Variants in KIAA0319 observed in about 807,000 individuals in gnomAD.
KIAA0319 encodes the protein dyslexia-associated protein KIAA0319.
A neutral mutation model predicts 108.4 loss-of-function variants in KIAA0319; 83 were observed. That is an observed-to-expected ratio of 0.77 (90% CI 0.64 to 0.92). The LOEUF is 0.92. Among genes scored for constraint, KIAA0319 ranks in the 40% least tolerant of loss-of-function variants. KIAA0319 has a pLI of 0.00. For synonymous variants in KIAA0319, 484 were observed against 510.4 expected (o/e 0.95, Z 0.70); for missense variants, 1,195 against 1,322.4 (o/e 0.90, Z 1.49).
intron 20 of KIAA0319, among the ~76,000 whole-genome samples, chr6:24,547,733 C>T (rs1347788206): frequency 1.3e-5 from 2 of 152,188 alleles, no homozygotes; most frequent in African/African-American, 2.4e-5. Context: ...ATCCAACAAA[C>T]GAAAGCTTCT....
At position 24,594,443 on chromosome 6, in the gene KIAA0319, T is replaced by C. The variant is rs958676922; in HGVS notation, c.801+1430A>G. On this transcript the variant is annotated intron_variant, in intron 3 of 20. Coordinates refer to ENST00000378214, the MANE Select transcript of KIAA0319 (RefSeq NM_014809.4). The stretch of plus-strand genomic sequence containing the variant: ...GAGTTCGAAGCCAGCCTGGCCAACA[T>C]AGTGAAAACCCATCTCTACTAAAAA... 5.3e-5 allele frequency among the ~76,000 whole-genome samples: 8 copies of C among 151,506 alleles called. No individual in the cohort carries two copies. In the South Asian group the frequency reaches 1.5e-3, roughly 28 times the overall value.
intron 1 of KIAA0319, among the ~76,000 whole-genome samples, chr6:24,611,316 G>C (rs1349673048): frequency 1.3e-5 from 2 of 151,726 alleles, no homozygotes; most frequent in East Asian, 3.9e-4. Context: ...CTGGCCAACA[G>C]GCTGAAACCC....
At chr6:24,615,191 T>C (rs1772981085) in intron 1 of KIAA0319, among the ~76,000 whole-genome samples, 1 of 152,184 alleles carries the variant, frequency 6.6e-6, no homozygotes, top group Non-Finnish European at 1.5e-5. Context: ...CAAATGTACA[T>C]TATAGCATTA....
At chr6:24,613,662 A>C (rs1205276251) in intron 1 of KIAA0319, among the ~76,000 whole-genome samples, 1 of 150,020 alleles carries the variant, frequency 6.7e-6, no homozygotes, top group African/African-American at 2.5e-5. Context: ...AAGGAGGAAC[A>C]GGCAGATCAT....
chr6:24,601,888 T>A (rs577890891), intron 1 of KIAA0319, among the ~76,000 whole-genome samples: 5 of 152,344 alleles, frequency 3.3e-5, no homozygotes, highest in African/African-American at 1.2e-4. Flanking sequence ...GACAAGGGAC[T>A]GGTTTCCCGG....
At chr6:24,618,289 G>T (rs568981375) in intron 1 of KIAA0319, among the ~76,000 whole-genome samples, 36 of 152,184 alleles carry the variant, frequency 2.4e-4, no homozygotes, top group Non-Finnish European at 4.1e-4. Flanking sequence ...ACCCCAGAGA[G>T]AACCTAGACA....
chr6:24,645,294 T>G (rs1562134007), intron 1 of KIAA0319, among the ~76,000 whole-genome samples: 1 of 152,218 alleles, frequency 6.6e-6, no homozygotes, highest in African/African-American at 2.4e-5. Context: ...CAAATGACCT[T>G]AAGATGATAA....
At position 24,576,874 on chromosome 6, in the gene KIAA0319, G is replaced by A. The variant is rs146532690; in HGVS notation, c.1506-278C>T. On this transcript the variant is annotated intron_variant, in intron 9 of 20. Coordinates refer to ENST00000378214, the MANE Select transcript of KIAA0319 (RefSeq NM_014809.4). ...CGGGAGGTCAAGGCTGCAGTGAGCC[G>A]ATATTGCTCCACTGCGCTGCAGCTC... is the stretch of plus-strand genomic sequence containing the variant. Among the ~76,000 whole-genome samples the A allele has an allele frequency of 1.3e-3, 198 of 151,874 alleles. 2 individuals are homozygous for A. In the East Asian group the frequency reaches 0.031, roughly 24 times the overall value.
chr6:24,594,390 C>A (rs1769087771), intron 3 of KIAA0319, among the ~76,000 whole-genome samples: 1 of 151,738 alleles, frequency 6.6e-6, no homozygotes, highest in Non-Finnish European at 1.5e-5. Flanking sequence ...CTTTGGGAGG[C>A]CGAGGTGGGG....
chr6:24,613,416 CTAACTA>C (rs1297584260), intron 1 of KIAA0319, among the ~76,000 whole-genome samples: 2 of 151,976 alleles, frequency 1.3e-5, no homozygotes, highest in Admixed American at 6.6e-5. Context: ...TCTGGCAACT[CTAACTA>C]TGAGAAAATG....
chr6:24,612,900 GCCATTCTCCTGCCTCAGCCT>G (rs1223539610), intron 1 of KIAA0319, among the ~76,000 whole-genome samples: 5 of 152,000 alleles, frequency 3.3e-5, no homozygotes, highest in Non-Finnish European at 4.4e-5. Context: ...CCCGGTTCAC[GCCATTCTCCTGCCTCAGCCT>G]CCCAAGTAGC....
chr6:24,620,703 C>T (rs150133802), intron 1 of KIAA0319, among the ~76,000 whole-genome samples: 25 of 152,276 alleles, frequency 1.6e-4, no homozygotes, highest in East Asian at 1.5e-3. Context: ...ACTATAGAGT[C>T]GGTGGCTTAA....
Position 24,547,212 on chromosome 6 carries a change from A to G in KIAA0319, c.3172T>C (p.Ser1058Pro). 6.2e-7 allele frequency: 1 copy of G among 1,614,164 alleles called. No homozygotes were observed. Among genetic ancestry groups the G allele is most frequent in the Non-Finnish European group, 8.5e-7 (1 of 1,180,006 alleles). Reference protein sequence around the residue: ...RGNPKVSMNGSIRNGASFSYC... With the variant: ...RGNPKVSMNGPIRNGASFSYC... ...CTGAAGGAAGCTCCATTTCTGATGG[A>G]ACCATTCATGGAAACCTTTGGATTC... The change falls in exon 21 of 21, where the codon TCC (serine) becomes CCC (proline). Residue 1058 changes from serine (S) to proline (P), a missense_variant. By Grantham distance (74) the Ser-to-Pro change is moderately conservative (BLOSUM62 -1). Coordinates refer to ENST00000378214, the MANE Select transcript of KIAA0319 (RefSeq NM_014809.4).
At chr6:24,540,650 C>CT (rs1554138911), downstream of KIAA0319, among the ~76,000 whole-genome samples, 540 of 146,746 alleles carry the variant, frequency 3.7e-3, 5 homozygotes, top group African/African-American at 0.012. Context: ...GACTTTGTTT[C>CT]TTTTTTTTTT....
At chr6:24,630,971 G>C (rs2127586842) in intron 1 of KIAA0319, among the ~76,000 whole-genome samples, 1 of 152,294 alleles carries the variant, frequency 6.6e-6, no homozygotes, top group East Asian at 1.9e-4. Context: ...AGCCCAAAGA[G>C]GGCCTCTTTC....
intron 19 of KIAA0319, among the ~76,000 whole-genome samples, chr6:24,552,484 T>C (rs1430959014): frequency 5.3e-5 from 8 of 152,234 alleles, no homozygotes; most frequent in African/African-American, 1.9e-4. Flanking sequence ...TGGGAAAACT[T>C]AACGGGATTT....
At position 24,599,916 on chromosome 6, in the gene KIAA0319, C is replaced by T. The variant is rs1770354551; in HGVS notation, c.55+1133G>A. On this transcript the variant is annotated intron_variant, in intron 2 of 20. Transcript: ENST00000378214. The surrounding 1 kb of genome is among the most constrained non-coding windows in gnomAD (Gnocchi z 4.1). The stretch of plus-strand genomic sequence containing the variant: ...CTGAGGCTCAGCGCTCGCCCTCAGC[C>T]GACCCGCGGGAGAGTTCACTGCCTG... 5 of 289,858 alleles carry T rather than the reference C, an allele frequency of 1.7e-5. No homozygotes were observed. Among genetic ancestry groups the T allele is most frequent in the Admixed American group, 9.2e-5 (2 of 21,688 alleles). 18.0% of individuals were successfully genotyped at this position (289,858 alleles called of 1,614,324 possible). A position where few individuals can be genotyped will look rare whatever the true frequency, so the allele number is the denominator to read the frequency against.
Position 24,595,801 on chromosome 6 carries a change from G to A in KIAA0319, c.801+72C>T, listed in dbSNP as rs564587322. 2.7e-6 allele frequency: 4 copies of A among 1,495,160 alleles called. No homozygotes were observed. In the Admixed American group the frequency reaches 6.6e-5, roughly 25 times the overall value. 92.6% of individuals were successfully genotyped at this position (1,495,160 alleles called of 1,614,324 possible). On this transcript the variant is annotated intron_variant, in intron 3 of 20. Coordinates refer to ENST00000378214, the MANE Select transcript of KIAA0319 (RefSeq NM_014809.4). ...CAGCCTGAATGAGTGCCCGGCTCCT[G>A]AAACTCAGCCCCTCCTACGGTCTGC...
intron 1 of KIAA0319, among the ~76,000 whole-genome samples, chr6:24,605,137 G>A (rs1431183725): frequency 6.6e-6 from 1 of 152,192 alleles, no homozygotes; most frequent in Admixed American, 6.5e-5. Flanking sequence ...CACCATGCCC[G>A]GCCAAGTGTT....
Sources: allele counts gnomAD v4.1 joint callset (sites outside exome capture counted in the v4.1 genomes callset), GRCh38; gene constraint gnomAD v4.1.1; non-coding constraint Gnocchi (gnomAD v3.1); transcripts MANE v1.5; gene names NCBI Gene and HGNC (gene_info 2026-07-23, HGNC 2026-07-21).